GCNT2: variants seen among roughly 807,000 people sequenced by gnomAD.
GCNT2 encodes glucosaminyl (N-acetyl) transferase 2 (I blood group), also known as N-acetyllactosaminide beta-1,6-N-acetylglucosaminyl-transferase.
Under a neutral mutation model 34.2 loss-of-function variants are expected in GCNT2, and 34 were observed. The ratio of observed to expected loss-of-function variants is 1.00; its 90% confidence interval spans 0.76 to 1.32. The LOEUF (loss-of-function observed/expected upper bound fraction) is 1.32. GCNT2 is among the 40% of genes most tolerant of loss of function. GCNT2 has a pLI of 0.00. For missense variants in GCNT2, 584 were observed against 489.4 expected, an observed-to-expected ratio of 1.19 and a Z score of -1.82; for synonymous variants, 212 against 188.0, an observed-to-expected ratio of 1.13 and a Z score of -1.04.
intron 3 of GCNT2, among the ~76,000 whole-genome samples, chr6:10,576,301 C>T (rs59175447): frequency 9.3e-4 from 142 of 152,270 alleles, no homozygotes; most frequent in African/African-American, 3.2e-3. Flanking sequence ...TGGCTATTTT[C>T]GCACCTCAAC....
chr6:10,529,867 G>T (rs772956848), intron 3 of GCNT2, 31 bp downstream of exon 3: 10 of 1,494,942 alleles, frequency 6.7e-6, no homozygotes, highest in East Asian at 2.3e-5. Context: ...TTATTTTTAC[G>T]AATAAACACT....
intron 3 of GCNT2, among the ~76,000 whole-genome samples, chr6:10,572,733 CA>C (rs533706715): frequency 1.0e-4 from 15 of 147,958 alleles, no homozygotes; most frequent in African/African-American, 3.7e-4. Context: ...GACTCCGTCT[CA>C]AAAAAAAATA....
At chr6:10,556,308 A>G (rs904498784) in intron 3 of GCNT2, 10 of 1,557,586 alleles carry the variant, frequency 6.4e-6, no homozygotes, top group Admixed American at 1.9e-5. Flanking sequence ...AGCGTCTCCA[A>G]CAGGGCAGGA....
intron 3 of GCNT2, among the ~76,000 whole-genome samples, chr6:10,593,481 GTA>G: frequency 6.6e-6 from 1 of 152,120 alleles, no homozygotes; most frequent in Non-Finnish European, 1.5e-5. Flanking sequence ...AGGACTACAG[GTA>G]TGCACCACTA....
At chr6:10,550,487 G>A (rs1282685138) in intron 3 of GCNT2, among the ~76,000 whole-genome samples, 2 of 151,976 alleles carry the variant, frequency 1.3e-5, no homozygotes, top group Non-Finnish European at 2.9e-5. Context: ...GGACCAAAAT[G>A]CAAATTATTA....
chr6:10,571,319 G>T (rs530882302), intron 3 of GCNT2, among the ~76,000 whole-genome samples: 41 of 151,702 alleles, frequency 2.7e-4, no homozygotes, highest in Non-Finnish European at 5.5e-4. Flanking sequence ...TGCTATAGTA[G>T]AAATTATGAT....
At chr6:10,537,575 C>T (rs568548685) in intron 3 of GCNT2, among the ~76,000 whole-genome samples, 1 of 151,554 alleles carries the variant, frequency 6.6e-6, no homozygotes, top group African/African-American at 2.4e-5. Flanking sequence ...GTGGCGGGCA[C>T]CTGTAATCCC....
rs3778162 is a variant in GCNT2 at position 10,557,691 on chromosome 6, A to T, written c.925+27855A>T. ...AATTTTGTGCAGACAGGGTCTCGCT[A>T]TGTTGCCCAGGCTGGTCTCCAACTC... On this transcript the variant is annotated intron_variant, in intron 3 of 4. Transcript: ENST00000495262. Among the ~76,000 whole-genome samples the T allele has an allele frequency of 6.6e-3, 998 of 151,920 alleles. 53 individuals carry two copies. Among genetic ancestry groups the T allele is most frequent in the Admixed American group, 0.059 (904 of 15,268 alleles).
intron 3 of GCNT2, chr6:10,586,494 G>C (rs56106312): frequency 5.0e-6 from 8 of 1,614,134 alleles, no homozygotes; most frequent in Non-Finnish European, 5.9e-6. Flanking sequence ...CAGACTCCAG[G>C]CTGACCTGAA....
At chr6:10,583,537 G>A (rs1348285994) in intron 3 of GCNT2, among the ~76,000 whole-genome samples, 2 of 152,124 alleles carry the variant, frequency 1.3e-5, no homozygotes, top group Non-Finnish European at 2.9e-5. Flanking sequence ...CATTGGCTGC[G>A]AGATCGCTTG....
chr6:10,524,128 G>GT (rs1242615194), intron 1 of GCNT2, among the ~76,000 whole-genome samples: 7 of 151,938 alleles, frequency 4.6e-5, no homozygotes, highest in African/African-American at 1.7e-4. Context: ...ACAAACGGGT[G>GT]TTGTTTTCTC....
At chr6:10,556,977 T>A (rs752425717) in intron 3 of GCNT2, 7 of 1,613,834 alleles carry the variant, frequency 4.3e-6, no homozygotes, top group Non-Finnish European at 4.2e-6. Flanking sequence ...TGGAAGTACG[T>A]TATCAACACC....
chr6:10,535,618 T>A (rs1167493871), intron 3 of GCNT2, among the ~76,000 whole-genome samples: 1 of 152,214 alleles, frequency 6.6e-6, no homozygotes, highest in African/African-American at 2.4e-5. Flanking sequence ...GTGCCTTGAA[T>A]TTTACACATT....
chr6:10,569,249 A>ACACACACACACACACC, intron 3 of GCNT2, among the ~76,000 whole-genome samples: 1 of 145,354 alleles, frequency 6.9e-6, no homozygotes, highest in African/African-American at 2.6e-5. Flanking sequence ...ACACACACAC[A>ACACACACACACACACC]CACACACACA....
In GCNT2 at chr6:10,626,901, A is replaced by T; in HGVS notation, c.*294A>T. On this transcript the variant is annotated 3_prime_UTR_variant, in exon 5 of 5. Transcript: ENST00000495262. ...CAATGATAAATTTAAATGACCTCAGATCTTTGCACCAGATACTCATCATAT... is the reference window on the plus strand; with the variant it reads ...CAATGATAAATTTAAATGACCTCAGTTCTTTGCACCAGATACTCATCATAT... The T allele has an allele frequency of 2.5e-6, 1 of 396,268 alleles. No homozygotes were observed. Among genetic ancestry groups the T allele is most frequent in the South Asian group, 2.8e-5 (1 of 35,650 alleles). 24.5% of individuals were successfully genotyped at this position (396,268 alleles called of 1,614,324 possible).
intron 3 of GCNT2, among the ~76,000 whole-genome samples, chr6:10,567,477 A>C (rs1286087468): frequency 6.6e-6 from 1 of 152,126 alleles, no homozygotes; most frequent in East Asian, 1.9e-4. Flanking sequence ...AAAAAAGATG[A>C]AAGGGAAGAC....
intron 3 of GCNT2, among the ~76,000 whole-genome samples, chr6:10,534,416 G>A (rs950710169): frequency 5.9e-5 from 9 of 152,128 alleles, no homozygotes; most frequent in Admixed American, 3.9e-4. Flanking sequence ...GATTACAGGC[G>A]TGAGCCACTG....
At position 10,627,593 on chromosome 6, in the gene GCNT2, T is replaced by C. The variant is rs1766317458; in HGVS notation, c.*986T>C. On this transcript the variant is annotated 3_prime_UTR_variant, in exon 5 of 5. Transcript: ENST00000495262. ...ATTGTAGATGAACATCTCTGTTATTTATCCCTCATTCATCCATCCGTTCAT... is the reference window on the plus strand; with the variant it reads ...ATTGTAGATGAACATCTCTGTTATTCATCCCTCATTCATCCATCCGTTCAT... 6.6e-6 allele frequency: 1 copy of C among 151,996 alleles called. No homozygotes were observed. The highest frequency in any genetic ancestry group is 1.5e-5 in the Non-Finnish European group (1 of 68,068). 9.4% of individuals were successfully genotyped at this position (151,996 alleles called of 1,614,324 possible). A position where few individuals can be genotyped will look rare whatever the true frequency, so the allele number is the denominator to read the frequency against.
At position 10,539,263 on chromosome 6, in the gene GCNT2, C is replaced by T. The variant is rs530382899; in HGVS notation, c.925+9427C>T. 1.7e-4 allele frequency among the ~76,000 whole-genome samples: 24 copies of T among 143,542 alleles called. No individual in the cohort carries two copies. In the Admixed American group the frequency reaches 1.8e-3, roughly 11 times the overall value. 94.2% of individuals were successfully genotyped at this position (143,542 alleles called of 152,430 possible). A position where few individuals can be genotyped will look rare whatever the true frequency, so the allele number is the denominator to read the frequency against. On this transcript the variant is annotated intron_variant, in intron 3 of 4. Coordinates refer to ENST00000495262, the MANE Select transcript of GCNT2 (RefSeq NM_145649.5). ...GGAGTGCAGTGGTGCGATCTCGGCC[C>T]ACTGCAACCTCTGCCTCCTGGGTTC...
Sources: gnomAD v4.1 joint callset for allele counts (sites outside exome capture counted in the v4.1 genomes callset) on GRCh38, gnomAD v4.1.1 for gene constraint, MANE v1.5 for transcripts, NCBI Gene and HGNC (gene_info 2026-07-23, HGNC 2026-07-21) for gene names.